SHCBP1L: variants seen among roughly 807,000 people sequenced by gnomAD.
SHCBP1L encodes SHC binding and spindle associated 1 like.
A neutral mutation model predicts 62.5 loss-of-function variants in SHCBP1L; 67 were observed. The observed-to-expected ratio is 1.07, with a 90% CI of 0.88 to 1.31. The LOEUF is 1.31. Among genes scored for constraint, SHCBP1L ranks in the 40% most tolerant of loss-of-function variants. The pLI, the probability that SHCBP1L is intolerant of heterozygous loss-of-function variation, is 0.00. For missense variants in SHCBP1L, 823 were observed against 809.8 expected, an observed-to-expected ratio of 1.02 and a Z score of -0.20; for synonymous variants, 284 against 289.4, an observed-to-expected ratio of 0.98 and a Z score of 0.19.
intron 6 of SHCBP1L, among the ~76,000 whole-genome samples, chr1:182,918,722 G>A (rs1355306522): frequency 6.6e-6 from 1 of 152,004 alleles, no homozygotes; most frequent in African/African-American, 2.4e-5. Context: ...AAAGAACAAA[G>A]TGGAGGACTC....
intron 6 of SHCBP1L, among the ~76,000 whole-genome samples, chr1:182,906,153 C>G (rs140891162): frequency 0.038 from 5,844 of 152,150 alleles, 287 homozygotes; most frequent in African/African-American, 0.11. Context: ...CCAGGCTGCT[C>G]TTAAACTCCT....
At position 182,952,897 on chromosome 1, in the gene SHCBP1L, C is replaced by T; in HGVS notation, c.237G>A (p.Glu79=). ...CCGCCGCCGCCGCCTCTCCCGTGTC[C>T]TCGGCCTGAGCCGCGGGCAGGCGCT... ...RLQRLPAAQA[E]DTGEAAAAAA... The change falls in exon 1 of 10, where the codon GAG becomes GAA. Residue 79 remains glutamate, a synonymous_variant. Transcript: ENST00000367547. The T allele has an allele frequency of 6.3e-7, 1 of 1,586,846 alleles. No individual in the cohort carries two copies. Among genetic ancestry groups the T allele is most frequent in the Non-Finnish European group, 8.6e-7 (1 of 1,167,488 alleles).
intron 6 of SHCBP1L, among the ~76,000 whole-genome samples, chr1:182,908,126 C>T (rs1037586282): frequency 1.3e-5 from 2 of 149,564 alleles, no homozygotes; most frequent in African/African-American, 4.8e-5. Flanking sequence ...AATAATTTTT[C>T]AAAGCCTATT....
At chr1:182,949,499 C>A (rs75590720) in intron 2 of SHCBP1L, among the ~76,000 whole-genome samples, 23,233 of 151,680 alleles carry the variant, frequency 0.15, 2,490 homozygotes, top group African/African-American at 0.31. Context: ...GGGTTCGAGA[C>A]CAGCCTGGCC....
chr1:182,899,867 A>G lies in SHCBP1L; in HGVS notation c.*116T>C. The G allele has an allele frequency of 1.2e-6, 1 of 830,374 alleles. No homozygotes were observed. The highest frequency in any genetic ancestry group is 1.8e-6 in the Non-Finnish European group (1 of 560,266). The allele number at this position is 830,374 out of a possible 1,614,324, so 51.4% of individuals were successfully genotyped here. A position where few individuals can be genotyped will look rare whatever the true frequency, so the allele number is the denominator to read the frequency against. Reference sequence around the variant, plus strand: ...AAATGAATCATTCAGTGAAAGCATGATATTTAAATATTTTTTAATTAAGCT... The same window carrying G: ...AAATGAATCATTCAGTGAAAGCATGGTATTTAAATATTTTTTAATTAAGCT... On this transcript the variant is annotated 3_prime_UTR_variant, in exon 10 of 10. Transcript: ENST00000367547.
At chr1:182,928,661 G>T (rs1344788987) in intron 6 of SHCBP1L, among the ~76,000 whole-genome samples, 5 of 152,054 alleles carry the variant, frequency 3.3e-5, no homozygotes. Flanking sequence ...ATAACTCCCA[G>T]AAAATTGTTA....
chr1:182,952,840 C>A lies in SHCBP1L; in HGVS notation c.294G>T (p.Glu98Asp), dbSNP rs200608725. The A allele has an allele frequency of 6.0e-5, 96 of 1,611,758 alleles. No homozygotes were observed. In the African/African-American group the frequency reaches 1.2e-3, roughly 20 times the overall value. The stretch of plus-strand genomic sequence containing the variant: ...GCAGGGGCTGCGCCTCCTCTTCATC[C>A]TCAGGCACTGGCAGCAGGGGCTCCT... ...AAEEPLLPVP[E>D]DEEEAQPLPP... The change falls in exon 1 of 10, where the codon GAG becomes GAT. Residue 98 changes from glutamate (E) to aspartate (D), a missense_variant. Coordinates refer to ENST00000367547, the MANE Select transcript of SHCBP1L (RefSeq NM_030933.4).
Position 182,939,167 on chromosome 1 carries a change from AATT to A in SHCBP1L, c.1076+6_1076+8del. ...TTTTGCTTCTATTTGAAATAGAGCAAATTATTACCGGAGGCGTAAATCTTCCCA... is the reference window on the plus strand; with the variant it reads ...TTTTGCTTCTATTTGAAATAGAGCAAATTACCGGAGGCGTAAATCTTCCCA... On this transcript the variant is annotated splice_donor_region_variant and intron_variant, in intron 5 of 9. Transcript: ENST00000367547. 3 of 1,599,542 alleles carry A rather than the reference AATT, an allele frequency of 1.9e-6. No individual in the cohort carries two copies. The highest frequency in any genetic ancestry group is 2.6e-6 in the Non-Finnish European group (3 of 1,173,116).
chr1:182,907,608 G>A (rs1362854227), intron 6 of SHCBP1L, among the ~76,000 whole-genome samples: 2 of 151,344 alleles, frequency 1.3e-5, no homozygotes, highest in African/African-American at 4.8e-5. Flanking sequence ...ATTTTGAGAT[G>A]GAGTCTTGCT....
intron 2 of SHCBP1L, 124 bp from the exon 3 acceptor site, chr1:182,940,667 T>TCAACA (rs1651331541): frequency 1.5e-6 from 1 of 688,152 alleles, no homozygotes; most frequent in East Asian, 2.8e-5. Context: ...TCTTCAACAA[T>TCAACA]CAACATACAG....
intron 6 of SHCBP1L, among the ~76,000 whole-genome samples, chr1:182,909,608 T>C (rs1650116736): frequency 6.6e-6 from 1 of 152,104 alleles, no homozygotes; most frequent in South Asian, 2.1e-4. Flanking sequence ...CACATCAAAA[T>C]ACAGTATTTG....
chr1:182,918,124 G>A (rs111582270), intron 6 of SHCBP1L, among the ~76,000 whole-genome samples: 129 of 140,328 alleles, frequency 9.2e-4, no homozygotes, highest in African/African-American at 3.3e-3. Context: ...ACATATATAC[G>A]TGTGTGTGTA....
At chr1:182,921,472 T>G (rs1650526118) in intron 6 of SHCBP1L, among the ~76,000 whole-genome samples, 1 of 152,250 alleles carries the variant, frequency 6.6e-6, no homozygotes, top group African/African-American at 2.4e-5. Flanking sequence ...CTAATAGGTT[T>G]GTTAGGTTTG....
intron 6 of SHCBP1L, among the ~76,000 whole-genome samples, chr1:182,917,099 G>C (rs1650379473): frequency 6.6e-6 from 1 of 152,014 alleles, no homozygotes; most frequent in Non-Finnish European, 1.5e-5. Flanking sequence ...CAAAATCTGT[G>C]AGAACACTTC....
At chr1:182,944,953 CTTTCT>C (rs1441930216) in intron 2 of SHCBP1L, among the ~76,000 whole-genome samples, 2 of 134,198 alleles carry the variant, frequency 1.5e-5, no homozygotes, top group Admixed American at 1.5e-4. Flanking sequence ...TTTTTTCTTT[CTTTCT>C]TTTTTTTTTT....
intron 6 of SHCBP1L, among the ~76,000 whole-genome samples, chr1:182,912,787 T>C (rs944487719): frequency 4.0e-5 from 6 of 151,680 alleles, no homozygotes; most frequent in African/African-American, 1.2e-4. Context: ...CCTCCCAAAG[T>C]GCTGGGATTA....
intron 2 of SHCBP1L, among the ~76,000 whole-genome samples, chr1:182,944,095 T>C (rs1360864641): frequency 7.7e-6 from 1 of 129,680 alleles, no homozygotes; most frequent in Non-Finnish European, 1.6e-5. Context: ...CACTCCAGCC[T>C]GGGCAACAGA....
chr1:182,953,150 G>C lies in SHCBP1L; in HGVS notation c.-17C>G. On this transcript the variant is annotated 5_prime_UTR_variant, in exon 1 of 10. Transcript: ENST00000367547. ...CGACGCCATCTCCTCAGCAGCCCGA[G>C]GGCCGAGGCAGCCGTTGGCCACTTT... 1 of 1,575,164 alleles carries C rather than the reference G, an allele frequency of 6.3e-7. No individual in the cohort carries two copies. The highest frequency in any genetic ancestry group is 1.1e-5 in the South Asian group (1 of 87,594).
chr1:182,925,496 C>T (rs1366400047), intron 6 of SHCBP1L, among the ~76,000 whole-genome samples: 1 of 152,010 alleles, frequency 6.6e-6, no homozygotes, highest in Non-Finnish European at 1.5e-5. Context: ...TGAAATACCA[C>T]TTCACATTCG....
Sources: gnomAD v4.1 joint callset for allele counts (sites outside exome capture counted in the v4.1 genomes callset) on GRCh38, gnomAD v4.1.1 for gene constraint, MANE v1.5 for transcripts, NCBI Gene and HGNC (gene_info 2026-07-23, HGNC 2026-07-21) for gene names.